Variants in CACNA2D4 observed in about 807,000 individuals in gnomAD.
CACNA2D4 encodes the protein calcium voltage-gated channel auxiliary subunit alpha2delta 4, also known as voltage-dependent calcium channel subunit alpha-2/delta-4.
Under a neutral mutation model 163.8 loss-of-function variants are expected in CACNA2D4, and 157 were observed. The ratio of observed to expected loss-of-function variants is 0.96; its 90% CI spans 0.84 to 1.09. The LOEUF is 1.09. Ranked by LOEUF, CACNA2D4 falls within the 50% of genes least tolerant of loss-of-function variation. CACNA2D4 has a pLI of 0.00. For synonymous variants in CACNA2D4, 598 were observed against 586.9 expected, an observed-to-expected ratio of 1.02 and a Z score of -0.27; for missense variants, 1,410 against 1,479.9, an observed-to-expected ratio of 0.95 and a Z score of 0.78.
At chr12:1,830,919 T>C in intron 26 of CACNA2D4, 1 of 1,581,106 alleles carries the variant, frequency 6.3e-7, no homozygotes, top group African/African-American at 1.3e-5. Flanking sequence ...TTCCCCCGTC[T>C]GTCCCTCCCA....
intron 6 of CACNA2D4, among the ~76,000 whole-genome samples, chr12:1,903,946 A>G (rs1421177013): frequency 5.3e-5 from 8 of 152,160 alleles, no homozygotes; most frequent in Admixed American, 2.0e-4. Context: ...ACTATTTACA[A>G]TAGCCAAGAT....
intron 14 of CACNA2D4, among the ~76,000 whole-genome samples, chr12:1,879,323 G>T (rs963969659): frequency 2.0e-5 from 3 of 152,146 alleles, no homozygotes; most frequent in Non-Finnish European, 2.9e-5. Flanking sequence ...ACGGCACAGG[G>T]CGAAGTTATC....
In CACNA2D4 at chr12:1,883,163, C is replaced by T. The variant is rs1186882357; in HGVS notation, c.1352-163G>A. 3.9e-5 allele frequency among the ~76,000 whole-genome samples: 6 copies of T among 152,202 alleles called. No homozygotes were observed. Among genetic ancestry groups the T allele is most frequent in the African/African-American group, 1.2e-4 (5 of 41,452 alleles). ...CTTCCCCACAGTTGTGTCCTTTACC[C>T]AGGGGCAGCCGCAGGCCAGTGGGAG... is the stretch of plus-strand genomic sequence containing the variant. On this transcript the variant is annotated intron_variant, in intron 12 of 37. Transcript: ENST00000382722. This position sits in a 1 kb window ranked among gnomAD's most constrained non-coding sequence, Gnocchi z 4.5.
intron 20 of CACNA2D4, 108 bp from the exon 21 acceptor site, chr12:1,856,337 G>A: frequency 1.6e-6 from 2 of 1,215,650 alleles, no homozygotes; most frequent in Non-Finnish European, 2.4e-6. Flanking sequence ...AGGGACTGGG[G>A]TCTGTTCTTT....
In CACNA2D4 at chr12:1,828,668, G is replaced by C. The variant is rs1413382090; in HGVS notation, c.2551+12071C>G. On this transcript the variant is annotated intron_variant, in intron 26 of 37. Coordinates refer to ENST00000382722, the MANE Select transcript of CACNA2D4 (RefSeq NM_172364.5). This position sits in a 1 kb window ranked among gnomAD's most constrained non-coding sequence, Gnocchi z 4.2. The stretch of plus-strand genomic sequence containing the variant: ...CTCGGCCAGGAGCTGGGTCAGCTTG[G>C]AGATGTCTCTTATGCTCCTTATGCC... Among the ~76,000 whole-genome samples the C allele has an allele frequency of 5.3e-5, 8 of 152,312 alleles. No homozygotes were observed. In the South Asian group the frequency reaches 1.2e-3, roughly 24 times the overall value.
At chr12:1,853,858 G>C in intron 23 of CACNA2D4, 93 bp downstream of exon 23, 1 of 974,154 alleles carries the variant, frequency 1.0e-6, no homozygotes, top group East Asian at 2.6e-5. Flanking sequence ...GTTCTCTCCT[G>C]AGCCACCAGC....
chr12:1,830,225 G>T (rs1030636500), intron 26 of CACNA2D4, among the ~76,000 whole-genome samples: 1 of 152,246 alleles, frequency 6.6e-6, no homozygotes, highest in Non-Finnish European at 1.5e-5. Flanking sequence ...AAGTGGGTTT[G>T]TACATCTTAG....
chr12:1,799,366 G>C lies in CACNA2D4; in HGVS notation c.2995+309C>G, dbSNP rs1241117892. Among the ~76,000 whole-genome samples, 1 of 152,202 alleles carries C rather than the reference G, an allele frequency of 6.6e-6. No homozygotes were observed. Among genetic ancestry groups the C allele is most frequent in the Non-Finnish European group, 1.5e-5 (1 of 68,030 alleles). On this transcript the variant is annotated intron_variant, in intron 34 of 37. Transcript: ENST00000382722. This position sits in a 1 kb window ranked among gnomAD's most constrained non-coding sequence, Gnocchi z 4.7. ...TTGCTTCTCCAAGGGGTGGGCTGGA[G>C]GTTGCTCACTCATACTGGCTCATGG...
chr12:1,879,846 G>A lies in CACNA2D4; in HGVS notation c.1521C>T (p.Leu507=), dbSNP rs1199767365. 7 of 1,603,508 alleles carry A rather than the reference G, an allele frequency of 4.4e-6. No individual in the cohort carries two copies. The highest frequency in any genetic ancestry group is 6.0e-6 in the Non-Finnish European group (7 of 1,175,230). ...LSSQAQSLTL[L]TTVAMPVFSK... ...TGAAGACTGGCATGGCCACAGTGGT[G>A]AGCAGTGTCAGGCTCTGAGCCTGCG... The change falls in exon 14 of 38, where the codon CTC becomes CTT. Residue 507 remains leucine (L), a synonymous_variant. Coordinates refer to ENST00000382722, the MANE Select transcript of CACNA2D4 (RefSeq NM_172364.5).
chr12:1,847,436 G>A (rs571974427), intron 23 of CACNA2D4, among the ~76,000 whole-genome samples: 8 of 152,310 alleles, frequency 5.3e-5, no homozygotes, highest in East Asian at 1.9e-4. Flanking sequence ...GCTGGACTGC[G>A]GGGGTCTTCC....
intron 10 of CACNA2D4, 21 bp from the exon 11 acceptor site, chr12:1,884,902 C>T (rs372778458): frequency 6.4e-5 from 103 of 1,605,194 alleles, no homozygotes; most frequent in Non-Finnish European, 8.4e-5. Flanking sequence ...AAGAGGAGTG[C>T]CCATGACCAC....
At position 1,869,108 on chromosome 12, in the gene CACNA2D4, A is replaced by T. The variant is rs747508808; in HGVS notation, c.1878+5496T>A. 2.2e-4 allele frequency among the ~76,000 whole-genome samples: 34 copies of T among 152,196 alleles called. No homozygotes were observed. Among genetic ancestry groups the T allele is most frequent in the Non-Finnish European group, 4.3e-4 (29 of 68,040 alleles). On this transcript the variant is annotated intron_variant, in intron 18 of 37. Coordinates refer to ENST00000382722, the MANE Select transcript of CACNA2D4 (RefSeq NM_172364.5). This position sits in a 1 kb window ranked among gnomAD's most constrained non-coding sequence, Gnocchi z 4.7. Reference sequence around the variant, plus strand: ...CCTTAAATATATACAATCGAAAAGCAGGTCTAAAGCAAGAAAAAAATTCCT... The same window carrying T: ...CCTTAAATATATACAATCGAAAAGCTGGTCTAAAGCAAGAAAAAAATTCCT...
At chr12:1,854,255 T>G (rs1034156768) in intron 22 of CACNA2D4, among the ~76,000 whole-genome samples, 15 of 152,224 alleles carry the variant, frequency 9.9e-5, no homozygotes, top group Non-Finnish European at 1.9e-4. Flanking sequence ...CAGCTTGATA[T>G]CTGAGGCTCT....
intron 27 of CACNA2D4, among the ~76,000 whole-genome samples, chr12:1,811,445 T>C (rs1243268347): frequency 6.6e-6 from 1 of 152,172 alleles, no homozygotes; most frequent in African/African-American, 2.4e-5. Flanking sequence ...GGGGTGACTC[T>C]GGGTCGTGCC....
chr12:1,797,027 C>G (rs958691500), intron 35 of CACNA2D4, among the ~76,000 whole-genome samples: 2 of 152,218 alleles, frequency 1.3e-5, no homozygotes, highest in Non-Finnish European at 2.9e-5. Context: ...AGCTCAGGCG[C>G]GGGCACTGGC....
At chr12:1,808,222 G>C (rs1201855850) in intron 29 of CACNA2D4, among the ~76,000 whole-genome samples, 1 of 152,140 alleles carries the variant, frequency 6.6e-6, no homozygotes, top group Non-Finnish European at 1.5e-5. Flanking sequence ...TTTCCCTCCA[G>C]GGCCGCCTCC....
At chr12:1,816,928 C>T (rs113374216) in intron 26 of CACNA2D4, among the ~76,000 whole-genome samples, 1,586 of 152,370 alleles carry the variant, frequency 0.01, 37 homozygotes, top group African/African-American at 0.037. Context: ...CGTACACACA[C>T]ATGCACATAC....
At chr12:1,900,502 C>G (rs1371088379) in intron 6 of CACNA2D4, among the ~76,000 whole-genome samples, 2 of 152,180 alleles carry the variant, frequency 1.3e-5, no homozygotes, top group Non-Finnish European at 2.9e-5. Flanking sequence ...TTATTCATTG[C>G]TTGTGGGAAT....
In CACNA2D4 at chr12:1,878,197, A is replaced by G; in HGVS notation, c.1719+118T>C. On this transcript the variant is annotated intron_variant, in intron 16 of 37. Transcript: ENST00000382722. The surrounding 1 kb of genome is among the most constrained non-coding windows in gnomAD (Gnocchi z 4.6). ...GACTCGAATACATTTTTTTTCTCAT[A>G]TTACCCACTGGGTTCCTAAATGGAG... is the stretch of plus-strand genomic sequence containing the variant. The G allele has an allele frequency of 8.8e-7, 1 of 1,134,842 alleles. No homozygotes were observed. Among genetic ancestry groups the G allele is most frequent in the Non-Finnish European group, 1.3e-6 (1 of 773,416 alleles). 70.3% of individuals were successfully genotyped at this position (1,134,842 alleles called of 1,614,324 possible).
Sources: gnomAD v4.1 joint callset for allele counts (sites outside exome capture counted in the v4.1 genomes callset) on GRCh38, gnomAD v4.1.1 for gene constraint, Gnocchi (gnomAD v3.1) non-coding constraint, MANE v1.5 for transcripts, NCBI Gene and HGNC (gene_info 2026-07-23, HGNC 2026-07-21) for gene names.